The following GRM1 variants were observed in gnomAD, a reference collection of about 807,000 sequenced individuals.
GRM1 encodes the protein metabotropic glutamate receptor 1.
A neutral mutation model predicts 90.9 loss-of-function variants in GRM1; 33 were observed. The observed-to-expected ratio is 0.36, with a 90% confidence interval of 0.28 to 0.49. The LOEUF (loss-of-function observed/expected upper bound fraction) is 0.49. Among genes scored for constraint, GRM1 ranks in the 20% least tolerant of loss-of-function variants. GRM1 has a pLI of 0.99. For synonymous variants in GRM1, 700 were observed against 613.2 expected (o/e 1.14, Z -2.09); for missense variants, 1,190 against 1,534.3 (o/e 0.78, Z 3.75).
intron 7 of GRM1, among the ~76,000 whole-genome samples, chr6:146,409,075 GGTATTTAAT>G (rs1777464656): frequency 6.6e-6 from 1 of 151,954 alleles, no homozygotes; most frequent in African/African-American, 2.4e-5. Flanking sequence ...AATGGGGTGG[GGTATTTAAT>G]GTAAAAATAT....
intron 5 of GRM1, among the ~76,000 whole-genome samples, chr6:146,385,567 T>G (rs1297126263): frequency 6.6e-6 from 1 of 151,862 alleles, no homozygotes; most frequent in Admixed American, 6.6e-5. Flanking sequence ...TAAAGAAAGG[T>G]CTTCAGGAAG....
At chr6:146,366,274 G>A (rs1775682670) in intron 5 of GRM1, among the ~76,000 whole-genome samples, 1 of 151,890 alleles carries the variant, frequency 6.6e-6, no homozygotes, top group Non-Finnish European at 1.5e-5. Flanking sequence ...TGCACACAAT[G>A]TGTAATGATC....
chr6:146,207,440 T>C lies in GRM1; in HGVS notation c.950+47843T>C, dbSNP rs1050162953. ...TTTGCCCATTTTTTAACGGGGTTGT[T>C]TGTTTTTTCTCTTGTAAATTTGTTT... is the stretch of plus-strand genomic sequence containing the variant. On this transcript the variant is annotated intron_variant, in intron 2 of 7. Transcript: ENST00000282753. Among the ~76,000 whole-genome samples the C allele has an allele frequency of 5.4e-4, 82 of 152,320 alleles. 1 individual carries two copies. Among genetic ancestry groups the C allele is most frequent in the African/African-American group, 1.8e-3 (74 of 41,570 alleles).
chr6:146,120,535 T>C (rs1276322317), intron 1 of GRM1, among the ~76,000 whole-genome samples: 2 of 152,184 alleles, frequency 1.3e-5, no homozygotes, highest in African/African-American at 4.8e-5. Context: ...AGGGAATGCT[T>C]CCAGTTTTTG....
chr6:146,177,485 A>G (rs924180316), intron 2 of GRM1, among the ~76,000 whole-genome samples: 4 of 152,000 alleles, frequency 2.6e-5, no homozygotes, highest in African/African-American at 7.2e-5. Flanking sequence ...TGTATTTTTT[A>G]TACTCAATGT....
chr6:146,131,073 A>G (rs1481574154), intron 1 of GRM1, among the ~76,000 whole-genome samples: 1 of 152,192 alleles, frequency 6.6e-6, no homozygotes, highest in Non-Finnish European at 1.5e-5. Context: ...CATAATAACT[A>G]TTAAAATATT....
At chr6:146,171,807 G>T in intron 2 of GRM1, 1 of 277,428 alleles carries the variant, frequency 3.6e-6, no homozygotes, top group South Asian at 5.2e-5. Flanking sequence ...CTAATGACTG[G>T]GGAAATTTTC....
chr6:146,246,627 A>T (rs1781068260), intron 2 of GRM1, among the ~76,000 whole-genome samples: 1 of 152,208 alleles, frequency 6.6e-6, no homozygotes, highest in South Asian at 2.1e-4. Flanking sequence ...TCTGTTTCAT[A>T]TCTGCTATTT....
rs187611299 is a variant in GRM1, at chr6:146,219,166, A to T, written c.950+59569A>T. Reference sequence around the variant, plus strand: ...ATCTGCCTTAAGAAATAGCATTTAAATCAAGATCTGGATGAATTTGAAGTA... The same window carrying T: ...ATCTGCCTTAAGAAATAGCATTTAATTCAAGATCTGGATGAATTTGAAGTA... On this transcript the variant is annotated intron_variant, in intron 2 of 7. Coordinates refer to ENST00000282753, the MANE Select transcript of GRM1 (RefSeq NM_001278064.2). Among the ~76,000 whole-genome samples, 60 of 152,356 alleles carry T rather than the reference A, an allele frequency of 3.9e-4. 1 individual carries two copies. In the East Asian group the frequency reaches 9.3e-3, roughly 24 times the overall value.
chr6:146,125,395 A>G (rs1776158967), intron 1 of GRM1, among the ~76,000 whole-genome samples: 1 of 151,930 alleles, frequency 6.6e-6, no homozygotes, highest in Non-Finnish European at 1.5e-5. Flanking sequence ...TTTAGAACAT[A>G]GGGATATTTT....
At chr6:146,407,576 T>C (rs934664134) in intron 7 of GRM1, among the ~76,000 whole-genome samples, 4 of 152,208 alleles carry the variant, frequency 2.6e-5, no homozygotes, top group African/African-American at 9.7e-5. Context: ...TGTTAATGTG[T>C]AGTTTCTAAA....
chr6:146,386,796 T>A (rs1431289256), intron 5 of GRM1, 94 bp from the exon 6 acceptor site: 4 of 928,160 alleles, frequency 4.3e-6, no homozygotes, highest in Middle Eastern at 2.3e-4. Flanking sequence ...TAGTCTTTTT[T>A]TCTTTATTCA....
rs1437753441 is a variant in GRM1 at position 146,167,390 on chromosome 6, C to T, written c.950+7793C>T. 3.9e-5 allele frequency among the ~76,000 whole-genome samples: 6 copies of T among 152,076 alleles called. No homozygotes were observed. The South Asian group carries it at 6.2e-4, about 16-fold the overall frequency. The stretch of plus-strand genomic sequence containing the variant: ...TGTGTGGACATGTATTTTCAATTCT[C>T]TTTAGGAACTATCTAGGGGTGAGAT... On this transcript the variant is annotated intron_variant, in intron 2 of 7. Coordinates refer to ENST00000282753, the MANE Select transcript of GRM1 (RefSeq NM_001278064.2).
chr6:146,173,728 A>G (rs1778232190), intron 2 of GRM1, among the ~76,000 whole-genome samples: 1 of 147,672 alleles, frequency 6.8e-6, no homozygotes, highest in Non-Finnish European at 1.5e-5. Context: ...GTGCAATGGC[A>G]TGATCTTGGC....
intron 3 of GRM1, among the ~76,000 whole-genome samples, 175 bp downstream of exon 3, chr6:146,305,021 T>A (rs1783525548): frequency 6.6e-6 from 1 of 150,932 alleles, no homozygotes; most frequent in African/African-American, 2.4e-5. Flanking sequence ...CAGGGATTCA[T>A]GGCAATCTGG....
intron 1 of GRM1, among the ~76,000 whole-genome samples, chr6:146,072,743 C>A (rs1266494479): frequency 6.6e-6 from 1 of 151,992 alleles, no homozygotes; most frequent in Non-Finnish European, 1.5e-5. Flanking sequence ...AAGCAAAAGA[C>A]AATAAACTGC....
At chr6:146,278,004 T>G (rs1782435292) in intron 2 of GRM1, among the ~76,000 whole-genome samples, 1 of 152,206 alleles carries the variant, frequency 6.6e-6, no homozygotes, top group African/African-American at 2.4e-5. Context: ...CTTTAGGCTA[T>G]CTGAGATTTT....
chr6:146,060,836 A>C (rs1775641018), intron 1 of GRM1, among the ~76,000 whole-genome samples: 3 of 152,302 alleles, frequency 2.0e-5, no homozygotes, highest in Non-Finnish European at 2.9e-5. Flanking sequence ...GCTGCTTTCC[A>C]CAGTGTCTAA....
chr6:146,200,091 A>G (rs1779253529), intron 2 of GRM1, among the ~76,000 whole-genome samples: 1 of 152,196 alleles, frequency 6.6e-6, no homozygotes, highest in Admixed American at 6.5e-5. Flanking sequence ...TCAGGGTTCC[A>G]GATTTTCCTG....
Sources: allele counts gnomAD v4.1 joint callset (sites outside exome capture counted in the v4.1 genomes callset), GRCh38; gene constraint gnomAD v4.1.1; transcripts MANE v1.5; gene names NCBI Gene and HGNC (gene_info 2026-07-23, HGNC 2026-07-21).